Variants in SNX24 observed in about 807,000 individuals in gnomAD.
SNX24 encodes the protein sorting nexin-24.
Under a neutral mutation model 28.7 loss-of-function variants are expected in SNX24, and 22 were observed. That is an observed-to-expected ratio of 0.77 (90% CI 0.55 to 1.10). The LOEUF (loss-of-function observed/expected upper bound fraction) is 1.10, where lower values mean the gene tolerates loss of function less well. SNX24 is among the 50% of genes least tolerant of loss of function. The pLI, the probability that SNX24 is intolerant of heterozygous loss-of-function variation, is 0.00. For synonymous variants in SNX24, 69 were observed against 71.5 expected, an observed-to-expected ratio of 0.96 and a Z score of 0.18; for missense variants, 221 against 201.1, an observed-to-expected ratio of 1.10 and a Z score of -0.60.
At chr5:122,932,731 C>T (rs1195875562) in intron 1 of SNX24, among the ~76,000 whole-genome samples, 2 of 151,838 alleles carry the variant, frequency 1.3e-5, no homozygotes, top group Admixed American at 6.6e-5. Flanking sequence ...TGGTGGCGGG[C>T]GCCTGTAGTC....
At chr5:122,928,022 A>G (rs1758776529) in intron 1 of SNX24, among the ~76,000 whole-genome samples, 1 of 152,076 alleles carries the variant, frequency 6.6e-6, no homozygotes, top group Non-Finnish European at 1.5e-5. Context: ...TTTTATTTTT[A>G]TGTACTTTTA....
rs1056049243 is a variant in SNX24 at position 122,922,733 on chromosome 5, T to C, written c.61-14001T>C. 7.2e-5 allele frequency among the ~76,000 whole-genome samples: 11 copies of C among 152,314 alleles called. 1 individual carries two copies. The highest frequency in any genetic ancestry group is 2.6e-4 in the African/African-American group (11 of 41,564). ...TGGTCCTACTTTCTTTTACTCGGCT[T>C]TATTCTCCCCCTTCCCCATGCCAGG... On this transcript the variant is annotated intron_variant, in intron 1 of 6. Coordinates refer to ENST00000261369, the MANE Select transcript of SNX24 (RefSeq NM_014035.4).
intron 1 of SNX24, among the ~76,000 whole-genome samples, chr5:122,933,053 TA>T (rs961038853): frequency 3.9e-5 from 6 of 152,150 alleles, no homozygotes; most frequent in Non-Finnish European, 8.8e-5. Context: ...TAGATATTTT[TA>T]TAGTCCTAAA....
chr5:122,925,978 G>T (rs1246303013), intron 1 of SNX24, among the ~76,000 whole-genome samples: 1 of 152,112 alleles, frequency 6.6e-6, no homozygotes, highest in Admixed American at 6.5e-5. Flanking sequence ...AGCAAACATT[G>T]TATGTGTGTG....
chr5:122,908,430 C>T (rs1047595933), intron 1 of SNX24, among the ~76,000 whole-genome samples: 18 of 152,074 alleles, frequency 1.2e-4, no homozygotes, highest in African/African-American at 3.6e-4. Flanking sequence ...CTGTAGCAGC[C>T]GGCACTTTTC....
chr5:122,964,324 C>T (rs1760625911), intron 3 of SNX24, among the ~76,000 whole-genome samples: 1 of 149,622 alleles, frequency 6.7e-6, no homozygotes, highest in African/African-American at 2.5e-5. Flanking sequence ...GAACATTTGG[C>T]AACGTCTAGA....
intron 3 of SNX24, among the ~76,000 whole-genome samples, chr5:122,953,433 G>C (rs878954965): frequency 6.6e-6 from 1 of 151,862 alleles, no homozygotes; most frequent in Non-Finnish European, 1.5e-5. Flanking sequence ...AAGGTGCTCC[G>C]AGGATAAAGA....
chr5:122,941,561 A>G (rs1276276459), intron 2 of SNX24, among the ~76,000 whole-genome samples: 2 of 152,282 alleles, frequency 1.3e-5, no homozygotes, highest in East Asian at 1.9e-4. Context: ...CATTTAGAAT[A>G]CAGATTTCTG....
intron 2 of SNX24, among the ~76,000 whole-genome samples, chr5:122,941,777 C>A (rs1226158441): frequency 1.3e-5 from 2 of 152,182 alleles, no homozygotes; most frequent in African/African-American, 2.4e-5. Flanking sequence ...TTATGAATTA[C>A]TAGAGGATCA....
chr5:122,859,778 G>A (rs896936397), intron 1 of SNX24, among the ~76,000 whole-genome samples: 1 of 152,144 alleles, frequency 6.6e-6, no homozygotes, highest in African/African-American at 2.4e-5. Context: ...TTTCAGAGTG[G>A]CATGAGACAT....
Position 122,848,402 on chromosome 5 carries a change from T to G in SNX24, c.60+2709T>G, listed in dbSNP as rs1037680998. The stretch of plus-strand genomic sequence containing the variant: ...CGGGCCACTGAGCCCGACCTGTGTT[T>G]GTGTTTAAAATTTAAAACGGCCGGG... On this transcript the variant is annotated intron_variant, in intron 1 of 6. Coordinates refer to ENST00000261369, the MANE Select transcript of SNX24 (RefSeq NM_014035.4). 5.3e-5 allele frequency among the ~76,000 whole-genome samples: 8 copies of G among 152,200 alleles called. No individual in the cohort carries two copies. In the East Asian group the frequency reaches 1.6e-3, roughly 30 times the overall value.
chr5:123,001,542 G>A, intron 5 of SNX24, 105 bp downstream of exon 5: 2 of 852,874 alleles, frequency 2.3e-6, no homozygotes, highest in East Asian at 5.0e-5. Flanking sequence ...ACCTTTGTTT[G>A]GAAATTGGTT....
chr5:122,894,188 T>C (rs1234922215), intron 1 of SNX24, among the ~76,000 whole-genome samples: 1 of 152,202 alleles, frequency 6.6e-6, no homozygotes, highest in African/African-American at 2.4e-5. Context: ...GGTTTAAAAC[T>C]ATATAAAGAT....
chr5:122,852,622 C>T (rs1248619408), intron 1 of SNX24, among the ~76,000 whole-genome samples: 1 of 152,180 alleles, frequency 6.6e-6, no homozygotes, highest in Non-Finnish European at 1.5e-5. Flanking sequence ...GGATTGTAGG[C>T]ATGAGCCACC....
At chr5:122,961,005 T>C (rs30060) in intron 3 of SNX24, among the ~76,000 whole-genome samples, 117,056 of 152,172 alleles carry the variant, frequency 0.77, 45,900 homozygotes, top group East Asian at 0.99. Flanking sequence ...AAAATTCTTA[T>C]GCAAAATATG....
chr5:122,900,404 G>T (rs1240557799), intron 1 of SNX24, among the ~76,000 whole-genome samples: 2 of 152,122 alleles, frequency 1.3e-5, no homozygotes, highest in Admixed American at 1.3e-4. Context: ...GAACATGCAG[G>T]TCTGTGCATT....
At chr5:123,023,834 A>C (rs1276792180) in intron 5 of SNX24, 2 of 1,606,960 alleles carry the variant, frequency 1.2e-6, no homozygotes, top group Non-Finnish European at 1.7e-6. Context: ...ACACACACAC[A>C]CACCCCTGCC....
At position 122,951,135 on chromosome 5, in the gene SNX24, C is replaced by T. The variant is rs370699107; in HGVS notation, c.249+4976C>T. 1.1e-4 allele frequency among the ~76,000 whole-genome samples: 16 copies of T among 151,664 alleles called. No homozygotes were observed. The East Asian group carries it at 2.1e-3, about 20-fold the overall frequency. On this transcript the variant is annotated intron_variant, in intron 3 of 6. Transcript: ENST00000261369. ...ACAAAAAATTAGCCAGGCGTGGTGG[C>T]GGGCACCTGTAGTCCCAGCTACTCA...
intron 1 of SNX24, among the ~76,000 whole-genome samples, chr5:122,891,978 A>G (rs1415361348): frequency 6.6e-6 from 1 of 152,172 alleles, no homozygotes; most frequent in Admixed American, 6.5e-5. Context: ...GCATGAATTT[A>G]TAACATCGTG....
Sources: gnomAD v4.1 joint callset for allele counts (sites outside exome capture counted in the v4.1 genomes callset) on GRCh38, gnomAD v4.1.1 for gene constraint, MANE v1.5 for transcripts, NCBI Gene and HGNC (gene_info 2026-07-23, HGNC 2026-07-21) for gene names.